The following PLA2G4E variants were observed in gnomAD, a reference collection of about 807,000 sequenced individuals.
PLA2G4E encodes cytosolic phospholipase A2 epsilon.
PLA2G4E carries 84 observed loss-of-function variants against 109.1 expected under a neutral mutation model. The ratio of observed to expected loss-of-function variants is 0.77; its 90% CI spans 0.65 to 0.92. PLA2G4E has a LOEUF of 0.92. Among genes scored for constraint, PLA2G4E ranks in the 40% least tolerant of loss-of-function variants. The probability of loss-of-function intolerance (pLI) is 0.00; values close to 1 mark genes in which losing one functional copy is unlikely to be tolerated. For missense variants in PLA2G4E, 1,057 were observed against 1,076.6 expected (o/e 0.98, Z 0.25); for synonymous variants, 469 against 436.1 (o/e 1.08, Z -0.94).
At position 42,020,953 on chromosome 15, in the gene PLA2G4E, C is replaced by T. The variant is rs12593457; in HGVS notation, c.184-7196G>A. ...CCCTCACCTTCAAGGCACAGGTGGCCGAGGGCCTGCTGTCTTCTGCTTGGC... is the reference window on the plus strand; with the variant it reads ...CCCTCACCTTCAAGGCACAGGTGGCTGAGGGCCTGCTGTCTTCTGCTTGGC... On this transcript the variant is annotated intron_variant, in intron 1 of 19. Transcript: ENST00000399518. 1.5e-4 allele frequency among the ~76,000 whole-genome samples: 23 copies of T among 151,836 alleles called. No homozygotes were observed. The East Asian group carries it at 3.9e-3, about 26-fold the overall frequency.
chr15:41,999,940 C>A (rs749562186), exon 9 of PLA2G4E: 1 of 1,611,094 alleles, frequency 6.2e-7, no homozygotes, highest in Non-Finnish European at 8.5e-7. Context: ...ATCACCTGAC[C>A]ATCGGAAAGG....
chr15:42,019,845 A>T (rs568667824), intron 1 of PLA2G4E, among the ~76,000 whole-genome samples: 85 of 152,328 alleles, frequency 5.6e-4, no homozygotes, highest in African/African-American at 1.9e-3. Context: ...CAGGCCTGAC[A>T]GGGGCAGATG....
intron 1 of PLA2G4E, among the ~76,000 whole-genome samples, chr15:42,035,238 C>T (rs1488292531): frequency 1.3e-5 from 2 of 152,210 alleles, no homozygotes; most frequent in Non-Finnish European, 2.9e-5. Flanking sequence ...GCTCTGATCT[C>T]TCATTTGTCC....
chr15:42,041,711 T>C lies in PLA2G4E; in HGVS notation c.183+8810A>G, dbSNP rs562694860. ...GGTTTACCTTATCAGAACCACTCTTTCATGCTTATTCACTTTGCTACCGTG... is the reference window on the plus strand; with the variant it reads ...GGTTTACCTTATCAGAACCACTCTTCCATGCTTATTCACTTTGCTACCGTG... On this transcript the variant is annotated intron_variant, in intron 1 of 19. Coordinates refer to ENST00000399518, the Ensembl canonical transcript of PLA2G4E. 1.1e-4 allele frequency among the ~76,000 whole-genome samples: 17 copies of C among 152,286 alleles called. 1 individual carries two copies. In the East Asian group the frequency reaches 3.3e-3, roughly 29 times the overall value.
chr15:42,023,773 A>T (rs981240630), intron 1 of PLA2G4E, among the ~76,000 whole-genome samples: 1 of 151,874 alleles, frequency 6.6e-6, no homozygotes, highest in Non-Finnish European at 1.5e-5. Context: ...AAGCCCAGCC[A>T]CAAACCCCCA....
rs7163273 is a variant in PLA2G4E, at chr15:42,014,795, C to T, written c.184-1038G>A. Among the ~76,000 whole-genome samples, 331 of 152,312 alleles carry T rather than the reference C, an allele frequency of 2.2e-3. 3 individuals are homozygous for T. The highest frequency in any genetic ancestry group is 7.7e-3 in the African/African-American group (318 of 41,556). On this transcript the variant is annotated intron_variant, in intron 1 of 19. Coordinates refer to ENST00000399518, the Ensembl canonical transcript of PLA2G4E. ...TTCTCGCAAGAGGTCCTTGTGGAGT[C>T]TTGGCTGGTCTGCGATGACCTCTCT...
intron 1 of PLA2G4E, among the ~76,000 whole-genome samples, chr15:42,028,271 A>T (rs2039431684): frequency 6.6e-6 from 1 of 152,232 alleles, no homozygotes; most frequent in Non-Finnish European, 1.5e-5. Context: ...ATGGTAAGTG[A>T]CAGAGCTGTG....
rs2068397974 is a variant in PLA2G4E, at chr15:42,000,006, G to A, written c.853-6C>T. 7.5e-6 allele frequency: 12 copies of A among 1,603,244 alleles called. No individual in the cohort carries two copies. Among genetic ancestry groups the A allele is most frequent in the African/African-American group, 1.3e-5 (1 of 74,786 alleles). The stretch of plus-strand genomic sequence containing the variant: ...TTGCGAGAGCGGCAGCAAAGCTGGA[G>A]GGATGGGTGGGTTCTGTGAGAGGGG... On this transcript the variant is annotated splice_region_variant and splice_polypyrimidine_tract_variant and intron_variant, in intron 8 of 19. Coordinates refer to ENST00000399518, the Ensembl canonical transcript of PLA2G4E.
chr15:42,008,297 A>G (rs1258570095), intron 2 of PLA2G4E, among the ~76,000 whole-genome samples: 4 of 152,166 alleles, frequency 2.6e-5, no homozygotes, highest in Admixed American at 2.6e-4. Context: ...GGCTGAGGAG[A>G]AGTGAGGATG....
intron 1 of PLA2G4E, among the ~76,000 whole-genome samples, chr15:42,028,399 A>ATTTCTTTATTTC (rs57271507): frequency 1.4e-5 from 2 of 147,886 alleles, no homozygotes; most frequent in East Asian, 3.9e-4. Flanking sequence ...TTATTTATTT[A>ATTTCTTTATTTC]TTTATTTATT....
intron 2 of PLA2G4E, among the ~76,000 whole-genome samples, chr15:42,012,136 G>A (rs1449959475): frequency 1.3e-5 from 2 of 152,072 alleles, no homozygotes; most frequent in Non-Finnish European, 2.9e-5. Flanking sequence ...GCTGTCTCTG[G>A]GGCTCAGGGC....
Position 41,999,943 on chromosome 15 carries a change from C to T in PLA2G4E, c.910G>A (p.Asp304Asn), listed in dbSNP as rs771237824. 20 of 1,611,070 alleles carry T rather than the reference C, an allele frequency of 1.2e-5. No individual in the cohort carries two copies. The highest frequency in any genetic ancestry group is 4.0e-5 in the African/African-American group (3 of 74,884). ...ACAGGCAGGGTCATCACCTGACCAT[C>T]GGAAAGGCAGTCGAGGGGCTGGCTG... Residue 304 changes from aspartate to asparagine, a missense_variant, in exon 9 of 20, where the codon GAT becomes AAT. Physicochemically the swap from Asp to Asn is conservative, Grantham distance 23 (BLOSUM62 1). Transcript: ENST00000399518.
chr15:41,989,353 C>G, intron 15 of PLA2G4E, 62 bp downstream of exon 15: 2 of 1,602,080 alleles, frequency 1.2e-6, no homozygotes, highest in South Asian at 1.1e-5. Flanking sequence ...CAGGGGCCAA[C>G]CCAGGGTGGC....
intron 1 of PLA2G4E, among the ~76,000 whole-genome samples, chr15:42,024,823 G>A (rs1184504171): frequency 6.6e-6 from 1 of 152,136 alleles, no homozygotes; most frequent in Non-Finnish European, 1.5e-5. Context: ...CATAAACCAG[G>A]TAGGACCCAG....
intron 1 of PLA2G4E, among the ~76,000 whole-genome samples, chr15:42,026,630 T>C (rs78777126): frequency 0.03 from 4,623 of 152,264 alleles, 79 homozygotes; most frequent in East Asian, 0.086. Flanking sequence ...CTGTCGTCAC[T>C]TAGTCAAAGT....
chr15:42,010,140 A>ACC (rs547723807), intron 2 of PLA2G4E: 28 of 411,816 alleles, frequency 6.8e-5, no homozygotes, highest in Middle Eastern at 9.1e-4. Context: ...TGGCCCCCCC[A>ACC]CCCCGGGCCT....
intron 1 of PLA2G4E, among the ~76,000 whole-genome samples, chr15:42,040,290 T>C (rs991093686): frequency 6.6e-6 from 1 of 152,170 alleles, no homozygotes; most frequent in African/African-American, 2.4e-5. Context: ...GATAATTACA[T>C]GTACAAATGA....
At chr15:42,047,001 G>C (rs1291672840) in intron 1 of PLA2G4E, among the ~76,000 whole-genome samples, 2 of 152,340 alleles carry the variant, frequency 1.3e-5, no homozygotes, top group Non-Finnish European at 2.9e-5. Flanking sequence ...GGGTGGTCCT[G>C]GAGGGAATCC....
chr15:42,001,037 C>A (rs1566840427), intron 7 of PLA2G4E, 120 bp downstream of exon 7: 1 of 1,009,170 alleles, frequency 9.9e-7, no homozygotes, highest in Non-Finnish European at 1.5e-6. Context: ...GGGGTTTCAG[C>A]CGAGCTTTTG....
Sources: allele counts gnomAD v4.1 joint callset (sites outside exome capture counted in the v4.1 genomes callset), GRCh38; gene constraint gnomAD v4.1.1; transcripts MANE v1.5; gene names NCBI Gene and HGNC (gene_info 2026-07-23, HGNC 2026-07-21).